MYO3B: variants seen among roughly 807,000 people sequenced by gnomAD.
MYO3B encodes myosin-IIIb.
In MYO3B, 156 loss-of-function variants were observed where a neutral mutation model predicts 174.6. The ratio of observed to expected loss-of-function variants is 0.89; its 90% CI spans 0.78 to 1.02. The LOEUF (loss-of-function observed/expected upper bound fraction) is 1.02, where lower values mean the gene tolerates loss of function less well. Ranked by LOEUF, MYO3B falls within the 50% of genes least tolerant of loss-of-function variation. The pLI, the probability that MYO3B is intolerant of heterozygous loss-of-function variation, is 0.00. For synonymous variants in MYO3B, 563 were observed against 569.1 expected (o/e 0.99, Z 0.15); for missense variants, 1,632 against 1,639.4 (o/e 1.00, Z 0.08).
chr2:170,385,153 C>T (rs1361622781), intron 12 of MYO3B, among the ~76,000 whole-genome samples: 1 of 152,116 alleles, frequency 6.6e-6, no homozygotes, highest in African/African-American at 2.4e-5. Context: ...GCTTCCATGC[C>T]TTTTCTGGAC....
At chr2:170,202,202 G>A (rs891711088) in intron 3 of MYO3B, among the ~76,000 whole-genome samples, 1 of 152,186 alleles carries the variant, frequency 6.6e-6, no homozygotes, top group Admixed American at 6.5e-5. Context: ...CCTGTTTCTA[G>A]CTTTTTCAGG....
intron 32 of MYO3B, among the ~76,000 whole-genome samples, chr2:170,639,961 G>A (rs1322169963): frequency 6.6e-6 from 1 of 152,222 alleles, no homozygotes; most frequent in African/African-American, 2.4e-5. Context: ...GCAAGTGCCT[G>A]ATGGTGCCTA....
chr2:170,235,598 CA>C (rs2093061236), intron 6 of MYO3B, among the ~76,000 whole-genome samples: 1 of 152,194 alleles, frequency 6.6e-6, no homozygotes, highest in Non-Finnish European at 1.5e-5. Flanking sequence ...TCAAAGTACA[CA>C]AGCATCTTTG....
intron 32 of MYO3B, among the ~76,000 whole-genome samples, chr2:170,575,928 T>G (rs1345480355): frequency 1.3e-5 from 2 of 152,170 alleles, no homozygotes; most frequent in African/African-American, 4.8e-5. Context: ...AAAGGATTCT[T>G]TAGAGATTTA....
chr2:170,230,849 A>G (rs2093008046), intron 6 of MYO3B, among the ~76,000 whole-genome samples: 1 of 152,164 alleles, frequency 6.6e-6, no homozygotes, highest in African/African-American at 2.4e-5. Context: ...CCCATGAAAA[A>G]GGGGTTGCTT....
At position 170,362,250 on chromosome 2, in the gene MYO3B, G is replaced by T. The variant is rs188699188; in HGVS notation, c.816-6972G>T. Among the ~76,000 whole-genome samples, 28 of 152,260 alleles carry T rather than the reference G, an allele frequency of 1.8e-4. No homozygotes were observed. The East Asian group carries it at 3.7e-3, about 20-fold the overall frequency. Reference sequence around the variant, plus strand: ...TTTACTTTCTTTGAGTCTTCTCTGGGTGAGAAAAGTAGATGTTCTTTATCC... The same window carrying T: ...TTTACTTTCTTTGAGTCTTCTCTGGTTGAGAAAAGTAGATGTTCTTTATCC... On this transcript the variant is annotated intron_variant, in intron 8 of 34. Transcript: ENST00000408978.
At chr2:170,355,371 A>G (rs184365115) in intron 8 of MYO3B, among the ~76,000 whole-genome samples, 148 of 151,438 alleles carry the variant, frequency 9.8e-4, no homozygotes, top group Middle Eastern at 3.4e-3. Flanking sequence ...GTGTTTAGTC[A>G]ATTTTAGTCT....
intron 29 of MYO3B, among the ~76,000 whole-genome samples, chr2:170,517,047 C>T (rs1022850604): frequency 5.3e-4 from 80 of 152,298 alleles, no homozygotes; most frequent in African/African-American, 1.8e-3. Flanking sequence ...GTCACCAGCT[C>T]ATACTGAAAA....
chr2:170,318,869 C>A (rs73978336), intron 7 of MYO3B, among the ~76,000 whole-genome samples: 1 of 152,224 alleles, frequency 6.6e-6, no homozygotes, highest in African/African-American at 2.4e-5. Flanking sequence ...TTAGTATTAG[C>A]CCTAGTGGTG....
At chr2:170,403,958 T>C (rs1275741953) in intron 19 of MYO3B, among the ~76,000 whole-genome samples, 1 of 152,196 alleles carries the variant, frequency 6.6e-6, no homozygotes, top group East Asian at 1.9e-4. Context: ...ATTTTTTTTT[T>C]CAGCTTCACT....
At chr2:170,519,048 C>T (rs1055830308) in intron 29 of MYO3B, among the ~76,000 whole-genome samples, 3 of 152,146 alleles carry the variant, frequency 2.0e-5, no homozygotes, top group African/African-American at 7.2e-5. Context: ...TTGCCCTATC[C>T]ACATCAGCAA....
At chr2:170,306,118 T>C (rs1406204579) in intron 7 of MYO3B, among the ~76,000 whole-genome samples, 2 of 152,198 alleles carry the variant, frequency 1.3e-5, no homozygotes, top group East Asian at 3.8e-4. Context: ...TGGGTTAAGC[T>C]GGATCCCGCT....
intron 29 of MYO3B, among the ~76,000 whole-genome samples, chr2:170,517,226 C>T (rs561676836): frequency 2.6e-5 from 4 of 152,214 alleles, no homozygotes; most frequent in Non-Finnish European, 4.4e-5. Context: ...TGGTTTTATA[C>T]TTCAAATAAC....
In MYO3B at chr2:170,499,775, A is replaced by T; in HGVS notation, c.3256A>T (p.Lys1086Ter). ...CAGGAGATACAAAAGGGTCAGAGAG[A>T]AGAGAGAGAAGGGAGCCATTGCCAT... is the stretch of plus-strand genomic sequence containing the variant. ...GARRYKRVREKREKGAIAIQS... is the reference protein window; with the variant it reads ...GARRYKRVRE Residue 1086 changes from lysine to a stop codon, truncating the protein, a stop_gained, in exon 27 of 35, where the codon AAG becomes TAG. Transcript: ENST00000408978. LOFTEE classifies it high-confidence loss of function. The T allele has an allele frequency of 1.2e-6, 2 of 1,613,602 alleles. No homozygotes were observed. The highest frequency in any genetic ancestry group is 1.7e-6 in the Non-Finnish European group (2 of 1,179,646).
At chr2:170,249,526 T>A (rs2093228931) in intron 7 of MYO3B, among the ~76,000 whole-genome samples, 1 of 152,172 alleles carries the variant, frequency 6.6e-6, no homozygotes, top group African/African-American at 2.4e-5. Flanking sequence ...TCTGAACCAA[T>A]CCCTTGGAGT....
chr2:170,545,356 A>G (rs1331792689), intron 32 of MYO3B, among the ~76,000 whole-genome samples: 1 of 152,230 alleles, frequency 6.6e-6, no homozygotes, highest in Non-Finnish European at 1.5e-5. Flanking sequence ...TTTACTTAGG[A>G]TTAAATGAGC....
intron 22 of MYO3B, among the ~76,000 whole-genome samples, chr2:170,432,397 AT>A (rs1380961847): frequency 1.3e-5 from 2 of 152,144 alleles, no homozygotes; most frequent in East Asian, 1.9e-4. Context: ...AAACAAAAAA[AT>A]CTTAAAAATT....
intron 28 of MYO3B, among the ~76,000 whole-genome samples, chr2:170,510,342 A>G (rs982374635): frequency 4.6e-5 from 7 of 152,224 alleles, no homozygotes; most frequent in South Asian, 2.1e-4. Flanking sequence ...TATAATTTAC[A>G]TACAGTAAAA....
intron 27 of MYO3B, among the ~76,000 whole-genome samples, chr2:170,500,895 A>G (rs1357501353): frequency 8.9e-6 from 1 of 112,420 alleles, no homozygotes; most frequent in Non-Finnish European, 2.1e-5. Context: ...GTTTACGTAT[A>G]TGTGTTATTA....
Sources: allele counts gnomAD v4.1 joint callset (sites outside exome capture counted in the v4.1 genomes callset), GRCh38; gene constraint gnomAD v4.1.1; transcripts MANE v1.5; gene names NCBI Gene and HGNC (gene_info 2026-07-23, HGNC 2026-07-21).